The following TM7SF3 variants were observed in gnomAD, a reference collection of about 807,000 sequenced individuals.
TM7SF3 encodes the protein seven span transmembrane protein.
Under a neutral mutation model 65.5 loss-of-function variants are expected in TM7SF3, and 60 were observed. That is an observed-to-expected ratio of 0.92 (90% confidence interval 0.74 to 1.14). The LOEUF (loss-of-function observed/expected upper bound fraction) is 1.14, where lower values mean the gene tolerates loss of function less well. Ranked by LOEUF, TM7SF3 falls within the 50% of genes most tolerant of loss-of-function variation. TM7SF3 has a pLI of 0.00. For synonymous variants in TM7SF3, 264 were observed against 259.6 expected (o/e 1.02, Z -0.16); for missense variants, 623 against 684.8 (o/e 0.91, Z 1.01).
chr12:26,974,030 T>C lies in TM7SF3; in HGVS notation c.1648A>G (p.Thr550Ala). ...PLRERLYGRLTQIKGLFQKEQ... is the reference protein window; with the variant it reads ...PLRERLYGRLAQIKGLFQKEQ... ...TTCTGGAAGAGCCCTTTAATCTGGGTTAATCGGCCATAGAGCCTCTCTCTC... is the reference window on the plus strand; with the variant it reads ...TTCTGGAAGAGCCCTTTAATCTGGGCTAATCGGCCATAGAGCCTCTCTCTC... The change falls in exon 12 of 12, where the codon ACC (threonine) becomes GCC (alanine). Residue 550 changes from threonine (T) to alanine (A), a missense_variant. Physicochemically the swap from Thr to Ala is moderately conservative, Grantham distance 58. Coordinates refer to ENST00000343028, the MANE Select transcript of TM7SF3 (RefSeq NM_016551.3). 1.2e-6 allele frequency: 2 copies of C among 1,614,180 alleles called. No individual in the cohort carries two copies. The highest frequency in any genetic ancestry group is 1.7e-6 in the Non-Finnish European group (2 of 1,180,036).
intron 4 of TM7SF3, among the ~76,000 whole-genome samples, chr12:26,996,352 A>G (rs1034798500): frequency 6.6e-6 from 1 of 152,186 alleles, no homozygotes; most frequent in African/African-American, 2.4e-5. Context: ...GTGTTCTCAA[A>G]TGTTAGCTAT....
intron 5 of TM7SF3, among the ~76,000 whole-genome samples, chr12:26,992,653 T>C (rs1215486245): frequency 6.6e-6 from 1 of 152,228 alleles, no homozygotes; most frequent in Non-Finnish European, 1.5e-5. Flanking sequence ...CACTGTAAAA[T>C]GTTAGCTATT....
chr12:27,006,568 T>C (rs577185520), intron 1 of TM7SF3, among the ~76,000 whole-genome samples: 2 of 152,330 alleles, frequency 1.3e-5, no homozygotes, highest in East Asian at 3.8e-4. Flanking sequence ...CTAGAAAATA[T>C]ATAATCCTTA....
At chr12:26,990,735 T>A (rs1940319943) in intron 5 of TM7SF3, 108 bp from the exon 6 acceptor site, 5 of 850,118 alleles carry the variant, frequency 5.9e-6, no homozygotes, top group Non-Finnish European at 8.9e-6. Context: ...AAATTATAAT[T>A]CTTGCTTAAA....
intron 9 of TM7SF3, chr12:26,977,804 G>A: frequency 9.1e-6 from 2 of 220,164 alleles, no homozygotes; most frequent in Admixed American, 5.8e-5. Context: ...GTGTGTGTGT[G>A]TATACATATA....
rs777830557 is a variant in TM7SF3, at chr12:26,999,597, G to A, written c.326C>T (p.Thr109Ile). ...TATGCCTGAAGTCCCCAAGTACCAA[G>A]TGCATGTACTCTGCTCTGGTCTAAG... is the stretch of plus-strand genomic sequence containing the variant. ...FILRPEQSTC[T>I]WYLGTSGIQP... Residue 109 changes from threonine (T) to isoleucine (I), a missense_variant, in exon 3 of 12, where the codon ACT becomes ATT. Thr to Ile is a moderately conservative substitution (Grantham distance 89). Coordinates refer to ENST00000343028, the MANE Select transcript of TM7SF3 (RefSeq NM_016551.3). The A allele has an allele frequency of 1.5e-5, 24 of 1,613,958 alleles. No homozygotes were observed. Among genetic ancestry groups the A allele is most frequent in the African/African-American group, 2.7e-5 (2 of 74,914 alleles).
chr12:26,998,064 A>G (rs1259889956), intron 3 of TM7SF3, among the ~76,000 whole-genome samples: 2 of 151,964 alleles, frequency 1.3e-5, no homozygotes, highest in Non-Finnish European at 2.9e-5. Flanking sequence ...GATTATATAA[A>G]TTATACCTGC....
In TM7SF3 at chr12:26,975,553, T is replaced by C. The variant is rs954680248; in HGVS notation, c.1393A>G (p.Arg465Gly). 24 of 1,614,186 alleles carry C rather than the reference T, an allele frequency of 1.5e-5. No homozygotes were observed. The highest frequency in any genetic ancestry group is 2.0e-5 in the Non-Finnish European group (24 of 1,180,012). ...LSYITLNVLK[R>G]ALNKDFHRAF... is the part of the protein sequence containing the mutation. ...CTGTGGAAATCCTTGTTGAGCGCTC[T>C]CTTGAGTACGTTCAAAGTGATGTAG... The change falls in exon 11 of 12, where the codon AGA (arginine) becomes GGA (glycine). Residue 465 changes from arginine (R) to glycine (G), a missense_variant. Physicochemically the swap from Arg to Gly is moderately radical, Grantham distance 125. Transcript: ENST00000343028.
intron 3 of TM7SF3, among the ~76,000 whole-genome samples, chr12:26,998,813 C>G (rs1312367160): frequency 2.6e-5 from 4 of 152,180 alleles, no homozygotes; most frequent in Non-Finnish European, 5.9e-5. Flanking sequence ...AAACTCTATG[C>G]CTCCTTAGAA....
chr12:26,973,890 C>CT lies in TM7SF3; in HGVS notation c.*74dup. Reference sequence around the variant, plus strand: ...TATATATGCCTGATCTCTTATTAGACTTGCACCAGAGACTGTTGAACCACT... The same window carrying CT: ...TATATATGCCTGATCTCTTATTAGACTTTGCACCAGAGACTGTTGAACCACT... On this transcript the variant is annotated 3_prime_UTR_variant, in exon 12 of 12. Transcript: ENST00000343028. 6.5e-7 allele frequency: 1 copy of CT among 1,541,402 alleles called. No homozygotes were observed. The highest frequency in any genetic ancestry group is 1.2e-5 in the South Asian group (1 of 80,638).
intron 6 of TM7SF3, among the ~76,000 whole-genome samples, chr12:26,988,894 A>G (rs1464301039): frequency 6.6e-6 from 1 of 151,980 alleles, no homozygotes; most frequent in Non-Finnish European, 1.5e-5. Flanking sequence ...TCCTGTTCCT[A>G]TTCAATGTGA....
chr12:26,979,990 G>A (rs937669216), intron 8 of TM7SF3, 54 bp from the exon 9 acceptor site: 7 of 1,605,480 alleles, frequency 4.4e-6, no homozygotes, highest in East Asian at 4.5e-5. Flanking sequence ...TTCCAACCGC[G>A]TGCCTTAGAC....
chr12:26,985,672 TATATATAC>T (rs1370013225), intron 6 of TM7SF3, among the ~76,000 whole-genome samples: 40 of 117,752 alleles, frequency 3.4e-4, no homozygotes, highest in African/African-American at 1.1e-3. Flanking sequence ...TATATATATA[TATATATAC>T]ACACACACAA....
At chr12:26,980,056 C>A in intron 8 of TM7SF3, 120 bp from the exon 9 acceptor site, 1 of 1,196,598 alleles carries the variant, frequency 8.4e-7, no homozygotes, top group Non-Finnish European at 1.2e-6. Context: ...GCACTGAGGG[C>A]TCTTCAGTGG....
intron 1 of TM7SF3, among the ~76,000 whole-genome samples, chr12:27,009,087 T>C (rs949179806): frequency 2.0e-5 from 3 of 152,244 alleles, no homozygotes; most frequent in Non-Finnish European, 4.4e-5. Flanking sequence ...TGAACATATG[T>C]GTTTGCTTCT....
chr12:26,976,186 A>G lies in TM7SF3; in HGVS notation c.1287+74T>C, dbSNP rs553773495. 9.4e-6 allele frequency: 11 copies of G among 1,167,516 alleles called. No individual in the cohort carries two copies. In the East Asian group the frequency reaches 9.6e-5, roughly 10 times the overall value. The allele number at this position is 1,167,516 out of a possible 1,614,324, so 72.3% of individuals were successfully genotyped here. ...CTCCCCAGTGAATAAAACATGCAAA[A>G]TGATGAAATAAGTGATCAGCTGAAC... On this transcript the variant is annotated intron_variant, in intron 10 of 11. Coordinates refer to ENST00000343028, the MANE Select transcript of TM7SF3 (RefSeq NM_016551.3).
At chr12:26,980,430 G>C in intron 8 of TM7SF3, 136 bp downstream of exon 8, 2 of 638,834 alleles carry the variant, frequency 3.1e-6, no homozygotes, top group Non-Finnish European at 5.5e-6. Context: ...GGTGTTCAGA[G>C]ACTAGATGGA....
Position 26,979,942 on chromosome 12 carries a change from C to T in TM7SF3, c.1037-6G>A, listed in dbSNP as rs552885154. 8 of 1,614,054 alleles carry T rather than the reference C, an allele frequency of 5.0e-6. No homozygotes were observed. The African/African-American group carries it at 8.0e-5, about 16-fold the overall frequency. ...AGCTGTCAGAATCAGATTCACTGTA[C>T]AAAGAGAGAGGATGAACTGCTGGAT... On this transcript the variant is annotated splice_region_variant and splice_polypyrimidine_tract_variant and intron_variant, in intron 8 of 11. Coordinates refer to ENST00000343028, the MANE Select transcript of TM7SF3 (RefSeq NM_016551.3).
intron 7 of TM7SF3, 97 bp downstream of exon 7, chr12:26,982,676 G>C: frequency 1.3e-6 from 1 of 752,826 alleles, no homozygotes; most frequent in Non-Finnish European, 2.1e-6. Context: ...TATGAAGATA[G>C]TAGAGATAAG....
Sources: allele counts gnomAD v4.1 joint callset (sites outside exome capture counted in the v4.1 genomes callset), GRCh38; gene constraint gnomAD v4.1.1; transcripts MANE v1.5; gene names NCBI Gene and HGNC (gene_info 2026-07-23, HGNC 2026-07-21).